Variants in SDK1 observed in about 807,000 individuals in gnomAD.
SDK1 encodes the protein protein sidekick-1.
A neutral mutation model predicts 245.5 loss-of-function variants in SDK1; 157 were observed. The ratio of observed to expected loss-of-function variants is 0.64; its 90% CI spans 0.56 to 0.73. The LOEUF (loss-of-function observed/expected upper bound fraction) is 0.73, where lower values mean the gene tolerates loss of function less well. SDK1 is among the 30% of genes least tolerant of loss of function. The pLI, the probability that SDK1 is intolerant of heterozygous loss-of-function variation, is 0.00. For missense variants in SDK1, 3,583 were observed against 3,002.3 expected (o/e 1.19, Z -4.52); for synonymous variants, 1,647 against 1,278.5 (o/e 1.29, Z -6.15).
At chr7:4,064,022 A>T (rs1779713652) in intron 19 of SDK1, among the ~76,000 whole-genome samples, 2 of 152,242 alleles carry the variant, frequency 1.3e-5, no homozygotes, top group Admixed American at 1.3e-4. Flanking sequence ...AGTGTAGGCA[A>T]AGATTTTATG....
rs569576377 is a variant in SDK1, at chr7:4,116,909, G to C, written c.3823+2635G>C. On this transcript the variant is annotated intron_variant, in intron 25 of 44. Coordinates refer to ENST00000404826, the MANE Select transcript of SDK1 (RefSeq NM_152744.4). ...AGCAGGGCTGGGCCCAGTGTCCCTC[G>C]GCTCTCCTTCAGACTGAAGCTTTCA... Among the ~76,000 whole-genome samples the C allele has an allele frequency of 2.0e-5, 3 of 152,176 alleles. 1 individual carries two copies. Among genetic ancestry groups the C allele is most frequent in the African/African-American group, 7.2e-5 (3 of 41,434 alleles).
intron 5 of SDK1, among the ~76,000 whole-genome samples, chr7:3,880,543 CTTTTTTT>C (rs5882008): frequency 1.1e-4 from 10 of 92,048 alleles, no homozygotes; most frequent in African/African-American, 2.4e-4. Context: ...ATGCCCTGGT[CTTTTTTT>C]TTTTTTTTTT....
intron 31 of SDK1, 50 bp downstream of exon 31, chr7:4,158,601 C>G: frequency 7.3e-7 from 1 of 1,362,804 alleles, no homozygotes; most frequent in Non-Finnish European, 1.0e-6. Context: ...CCCCTGGAGC[C>G]CGAGATACTT....
intron 5 of SDK1, among the ~76,000 whole-genome samples, chr7:3,886,794 T>C (rs1438357440): frequency 2.0e-5 from 3 of 152,188 alleles, no homozygotes; most frequent in Non-Finnish European, 4.4e-5. Flanking sequence ...TATGATCCTG[T>C]AGTCTCAACT....
intron 5 of SDK1, among the ~76,000 whole-genome samples, chr7:3,879,688 G>A (rs956032318): frequency 6.6e-6 from 1 of 152,120 alleles, no homozygotes; most frequent in African/African-American, 2.4e-5. Context: ...CTTTCTTTTT[G>A]TGGTTAATGT....
intron 32 of SDK1, among the ~76,000 whole-genome samples, chr7:4,165,860 C>T (rs1467535975): frequency 2.6e-5 from 4 of 151,994 alleles, no homozygotes; most frequent in Admixed American, 1.3e-4. Context: ...AATCATAGCT[C>T]ATTGTAGCCT....
chr7:3,798,098 C>T (rs1420693704), intron 4 of SDK1, among the ~76,000 whole-genome samples: 1 of 151,614 alleles, frequency 6.6e-6, no homozygotes, highest in Non-Finnish European at 1.5e-5. Flanking sequence ...GTTTTTTTTC[C>T]TGATTATCTT....
At chr7:3,603,892 TG>T (rs1401967435) in intron 1 of SDK1, among the ~76,000 whole-genome samples, 1 of 152,122 alleles carries the variant, frequency 6.6e-6, no homozygotes, top group Non-Finnish European at 1.5e-5. Flanking sequence ...TTAACATGAA[TG>T]GTTGTTGAAT....
intron 35 of SDK1, among the ~76,000 whole-genome samples, chr7:4,200,776 A>G (rs941586191): frequency 1.9e-4 from 29 of 152,380 alleles, no homozygotes; most frequent in Admixed American, 1.4e-3. Context: ...CAAGCCATGT[A>G]TTCAGCCCAC....
chr7:4,140,811 A>G (rs1420746873), intron 28 of SDK1, among the ~76,000 whole-genome samples: 1 of 152,212 alleles, frequency 6.6e-6, no homozygotes, highest in Non-Finnish European at 1.5e-5. Context: ...TTAAAAAATG[A>G]TTAATAGAGG....
chr7:4,093,321 C>T (rs1053989287), intron 22 of SDK1, among the ~76,000 whole-genome samples: 2 of 152,110 alleles, frequency 1.3e-5, no homozygotes, highest in Non-Finnish European at 2.9e-5. Flanking sequence ...CATTCGCAGC[C>T]ATTTGCTGTG....
At chr7:3,506,621 A>C (rs1056126508) in intron 1 of SDK1, among the ~76,000 whole-genome samples, 1 of 151,978 alleles carries the variant, frequency 6.6e-6, no homozygotes, top group African/African-American at 2.4e-5. Flanking sequence ...TTTTACTGAG[A>C]GTGTTTATTT....
At chr7:3,350,913 A>T (rs1008796129) in intron 1 of SDK1, among the ~76,000 whole-genome samples, 1 of 152,202 alleles carries the variant, frequency 6.6e-6, no homozygotes, top group South Asian at 2.1e-4. Context: ...TAACTGGTTT[A>T]TATTTTGAGC....
chr7:3,449,038 A>T (rs952058565), intron 1 of SDK1, among the ~76,000 whole-genome samples: 1 of 152,200 alleles, frequency 6.6e-6, no homozygotes, highest in Non-Finnish European at 1.5e-5. Context: ...AAGCAATAAC[A>T]TGTAAACATA....
intron 1 of SDK1, among the ~76,000 whole-genome samples, chr7:3,518,477 C>T (rs1169326175): frequency 6.8e-6 from 1 of 146,428 alleles, no homozygotes; most frequent in Admixed American, 7.0e-5. Context: ...GGAACTTAAA[C>T]ATCTGAACAG....
chr7:3,557,338 A>G (rs1237275752), intron 1 of SDK1, among the ~76,000 whole-genome samples: 1 of 152,234 alleles, frequency 6.6e-6, no homozygotes, highest in African/African-American at 2.4e-5. Flanking sequence ...AACTAAGAAG[A>G]AATGAGGTCA....
intron 4 of SDK1, among the ~76,000 whole-genome samples, chr7:3,718,521 CAATAAATAAATAAATAAATAAATA>C (rs55995629): frequency 0.046 from 6,215 of 134,036 alleles, 189 homozygotes; most frequent in African/African-American, 0.078. Context: ...AACTGTATCT[CAATAAATAAATAAATAAATAAATA>C]AATAAATAAA....
At chr7:3,804,474 T>C (rs1779190554) in intron 4 of SDK1, among the ~76,000 whole-genome samples, 1 of 152,248 alleles carries the variant, frequency 6.6e-6, no homozygotes, top group African/African-American at 2.4e-5. Flanking sequence ...AATACCACAC[T>C]GGATATAGCT....
In SDK1 at chr7:3,326,698, A is replaced by C. The variant is rs1779949120; in HGVS notation, c.298+24814A>C. 5.3e-5 allele frequency among the ~76,000 whole-genome samples: 8 copies of C among 152,204 alleles called. No individual in the cohort carries two copies. In the South Asian group the frequency reaches 1.7e-3, roughly 32 times the overall value. On this transcript the variant is annotated intron_variant, in intron 1 of 44. Transcript: ENST00000404826. ...TTTATTTTTTATTTAATTTTTTATC[A>C]TGGAAAATGTAAATACATGCAATGG...
Sources: allele counts gnomAD v4.1 joint callset (sites outside exome capture counted in the v4.1 genomes callset), GRCh38; gene constraint gnomAD v4.1.1; transcripts MANE v1.5; gene names NCBI Gene and HGNC (gene_info 2026-07-23, HGNC 2026-07-21).